Variants in PCGF5 observed in about 807,000 individuals in gnomAD.
PCGF5 encodes polycomb group ring finger 5.
A neutral mutation model predicts 44.3 loss-of-function variants in PCGF5; 9 were observed. The ratio of observed to expected loss-of-function variants is 0.20; its 90% CI spans 0.12 to 0.35. PCGF5 has a LOEUF of 0.35. Ranked by LOEUF, PCGF5 falls within the 10% of genes least tolerant of loss-of-function variation. PCGF5 has a pLI of 1.00. For synonymous variants in PCGF5, 95 were observed against 102.5 expected (o/e 0.93, Z 0.44); for missense variants, 146 against 305.3 (o/e 0.48, Z 3.89).
chr10:91,229,762 T>G (rs1844949228), intron 2 of PCGF5, among the ~76,000 whole-genome samples: 1 of 152,102 alleles, frequency 6.6e-6, no homozygotes, highest in South Asian at 2.1e-4. Context: ...TAAATTGAAC[T>G]TTACCATAAT....
chr10:91,256,704 C>T (rs1407682145), intron 6 of PCGF5, among the ~76,000 whole-genome samples: 1 of 152,076 alleles, frequency 6.6e-6, no homozygotes, highest in African/African-American at 2.4e-5. Context: ...AAAAGTGACT[C>T]ATGCACAAAG....
intron 6 of PCGF5, among the ~76,000 whole-genome samples, chr10:91,254,268 A>G (rs929314572): frequency 4.0e-5 from 6 of 151,412 alleles, no homozygotes; most frequent in African/African-American, 1.5e-4. Context: ...CTGTATCTAG[A>G]TTATATAAAA....
At chr10:91,195,905 G>A (rs1476332938) in intron 1 of PCGF5, among the ~76,000 whole-genome samples, 1 of 151,222 alleles carries the variant, frequency 6.6e-6, no homozygotes, top group African/African-American at 2.4e-5. Context: ...CCCAATCCAA[G>A]GTTTGTTCAT....
chr10:91,175,910 A>G (rs918868828), intron 1 of PCGF5, among the ~76,000 whole-genome samples: 3 of 152,138 alleles, frequency 2.0e-5, no homozygotes, highest in Admixed American at 6.5e-5. Context: ...GCCCATTTAC[A>G]TTTAAGGTTA....
intron 1 of PCGF5, among the ~76,000 whole-genome samples, chr10:91,187,347 C>A (rs1443905408): frequency 6.6e-6 from 1 of 151,952 alleles, no homozygotes; most frequent in East Asian, 1.9e-4. Context: ...TCTTCATGTG[C>A]AGATTTTGTA....
intron 2 of PCGF5, among the ~76,000 whole-genome samples, chr10:91,236,139 G>A (rs74150614): frequency 0.024 from 3,624 of 152,166 alleles, 132 homozygotes; most frequent in African/African-American, 0.083. Context: ...TTGATGCCAG[G>A]GACCAAATGT....
chr10:91,247,139 G>T (rs920703589), intron 3 of PCGF5, among the ~76,000 whole-genome samples: 1 of 151,586 alleles, frequency 6.6e-6, no homozygotes, highest in Non-Finnish European at 1.5e-5. Context: ...AAAAGTAGCT[G>T]GGAAAAAGAA....
rs555605963 is a variant in PCGF5, at chr10:91,168,920, T to G, written c.-184+5839T>G. Reference sequence around the variant, plus strand: ...TCCAGCCTGGGCGACAGTGTGAGACTCCGTCTCAGAAAAAAAAAAAAAAAA... The same window carrying G: ...TCCAGCCTGGGCGACAGTGTGAGACGCCGTCTCAGAAAAAAAAAAAAAAAA... On this transcript the variant is annotated intron_variant, in intron 1 of 9. Transcript: ENST00000614189. 3.0e-5 allele frequency among the ~76,000 whole-genome samples: 3 copies of G among 98,490 alleles called. No individual in the cohort carries two copies. In the Admixed American group the frequency reaches 4.6e-4, roughly 15 times the overall value. 64.6% of individuals were successfully genotyped at this position (98,490 alleles called of 152,430 possible). A position where few individuals can be genotyped will look rare whatever the true frequency, so the allele number is the denominator to read the frequency against.
chr10:91,249,379 A>G (rs1217589362), intron 5 of PCGF5, among the ~76,000 whole-genome samples: 4 of 58 alleles, frequency 0.069, no homozygotes, highest in Non-Finnish European at 0.14. Flanking sequence ...GTGTATATAT[A>G]TATATATATA....
intron 1 of PCGF5, among the ~76,000 whole-genome samples, chr10:91,210,414 C>A (rs1266011860): frequency 2.0e-5 from 3 of 152,194 alleles, no homozygotes; most frequent in African/African-American, 7.2e-5. Flanking sequence ...TGCTAACCTG[C>A]AAATCTAGTA....
chr10:91,165,204 G>A (rs1407489253), intron 1 of PCGF5, among the ~76,000 whole-genome samples: 1 of 152,090 alleles, frequency 6.6e-6, no homozygotes, highest in African/African-American at 2.4e-5. Context: ...CACAACAAGG[G>A]TTTGAGCATC....
chr10:91,274,371 A>C (rs1374173637), intron 9 of PCGF5, among the ~76,000 whole-genome samples: 2 of 152,230 alleles, frequency 1.3e-5, no homozygotes, highest in Non-Finnish European at 2.9e-5. Context: ...AATTAAAATA[A>C]GGTCTTGCCT....
At chr10:91,260,603 A>G (rs1216532558) in intron 6 of PCGF5, among the ~76,000 whole-genome samples, 2 of 152,204 alleles carry the variant, frequency 1.3e-5, no homozygotes, top group Non-Finnish European at 2.9e-5. Context: ...AATGTGGCAC[A>G]TATACACCAT....
chr10:91,278,091 A>G (rs1196811345), intron 9 of PCGF5, among the ~76,000 whole-genome samples, 178 bp from the exon 10 acceptor site: 1 of 152,210 alleles, frequency 6.6e-6, no homozygotes, highest in East Asian at 1.9e-4. Flanking sequence ...GATTCTAGAA[A>G]AATAATGGCA....
chr10:91,264,852 A>C (rs1846009371), intron 8 of PCGF5, among the ~76,000 whole-genome samples: 1 of 152,150 alleles, frequency 6.6e-6, no homozygotes, highest in Non-Finnish European at 1.5e-5. Flanking sequence ...GGAGTGGGGG[A>C]AACTTAAGTT....
chr10:91,222,563 A>G, intron 1 of PCGF5, 126 bp from the exon 2 acceptor site: 2 of 446,334 alleles, frequency 4.5e-6, no homozygotes, highest in South Asian at 1.5e-4. Flanking sequence ...AATGAAGGAT[A>G]TGTTCTATTC....
chr10:91,273,211 A>G (rs989912575), intron 9 of PCGF5, among the ~76,000 whole-genome samples: 1 of 152,220 alleles, frequency 6.6e-6, no homozygotes, highest in Non-Finnish European at 1.5e-5. Flanking sequence ...TCTGGGGTAA[A>G]TAATTTAACT....
chr10:91,212,796 T>C (rs573497904), intron 1 of PCGF5, among the ~76,000 whole-genome samples: 4 of 152,346 alleles, frequency 2.6e-5, no homozygotes, highest in Non-Finnish European at 5.9e-5. Context: ...TAAGATTTTT[T>C]TCTTAGCTGG....
intron 1 of PCGF5, among the ~76,000 whole-genome samples, chr10:91,197,806 T>G (rs971963562): frequency 3.3e-5 from 5 of 152,234 alleles, no homozygotes; most frequent in African/African-American, 1.2e-4. Context: ...ACCTGTGCCC[T>G]TTTCCATTGT....
Sources: allele counts gnomAD v4.1 joint callset (sites outside exome capture counted in the v4.1 genomes callset), GRCh38; gene constraint gnomAD v4.1.1; transcripts MANE v1.5; gene names NCBI Gene and HGNC (gene_info 2026-07-23, HGNC 2026-07-21).